LRMDA: variants seen among roughly 807,000 people sequenced by gnomAD.
LRMDA encodes leucine-rich melanocyte differentiation-associated protein.
A neutral mutation model predicts 29.8 loss-of-function variants in LRMDA; 18 were observed. The observed-to-expected ratio is 0.60, with a 90% CI of 0.42 to 0.90. LRMDA has a LOEUF of 0.90. LRMDA is among the 40% of genes least tolerant of loss of function. The probability of loss-of-function intolerance (pLI) is 0.00; values close to 1 mark genes in which losing one functional copy is unlikely to be tolerated. For synonymous variants in LRMDA, 125 were observed against 109.4 expected (o/e 1.14, Z -0.89); for missense variants, 273 against 273.9 (o/e 1.00, Z 0.02).
intron 5 of LRMDA, among the ~76,000 whole-genome samples, chr10:76,201,216 C>T (rs1431262202): frequency 6.6e-6 from 1 of 151,988 alleles, no homozygotes; most frequent in African/African-American, 2.4e-5. Context: ...CCTGCCTCAG[C>T]CTCCCAAGTA....
At chr10:76,331,464 C>T (rs951995534) in intron 6 of LRMDA, among the ~76,000 whole-genome samples, 3 of 152,196 alleles carry the variant, frequency 2.0e-5, no homozygotes, top group Admixed American at 2.0e-4. Flanking sequence ...AAAAAATTGT[C>T]AATGACTCAT....
At chr10:75,985,061 G>A (rs1312646789) in intron 2 of LRMDA, among the ~76,000 whole-genome samples, 2 of 152,116 alleles carry the variant, frequency 1.3e-5, no homozygotes, top group East Asian at 3.9e-4. Flanking sequence ...CCTAGATAGT[G>A]GTCTTTTGTG....
intron 2 of LRMDA, among the ~76,000 whole-genome samples, chr10:75,743,265 C>G (rs765263269): frequency 6.6e-6 from 1 of 152,042 alleles, no homozygotes; most frequent in Non-Finnish European, 1.5e-5. Context: ...TCAGTTAATC[C>G]GAATTACTGA....
At chr10:75,758,475 G>A (rs1843058519) in intron 2 of LRMDA, among the ~76,000 whole-genome samples, 1 of 152,190 alleles carries the variant, frequency 6.6e-6, no homozygotes, top group African/African-American at 2.4e-5. Context: ...GCGTTGCTCA[G>A]TCCCCTCACT....
chr10:76,304,180 G>T (rs1840520009), intron 5 of LRMDA, among the ~76,000 whole-genome samples: 1 of 152,116 alleles, frequency 6.6e-6, no homozygotes, highest in African/African-American at 2.4e-5. Context: ...ACAGAAAGAT[G>T]GGTATAACAA....
At chr10:75,838,778 G>C (rs941042267) in intron 2 of LRMDA, among the ~76,000 whole-genome samples, 12 of 152,152 alleles carry the variant, frequency 7.9e-5, no homozygotes, top group African/African-American at 2.7e-4. Context: ...AGTATTTCCT[G>C]GTTTCTTGCC....
intron 6 of LRMDA, among the ~76,000 whole-genome samples, chr10:76,392,618 A>G (rs1460810979): frequency 6.6e-6 from 1 of 152,034 alleles, no homozygotes; most frequent in Non-Finnish European, 1.5e-5. Context: ...AGTATTTAGG[A>G]TATCAGATTC....
chr10:75,465,897 T>C (rs1054315323), intron 2 of LRMDA, among the ~76,000 whole-genome samples: 2 of 152,242 alleles, frequency 1.3e-5, no homozygotes, highest in African/African-American at 2.4e-5. Flanking sequence ...GAGTTCATAA[T>C]TCATCATTTC....
chr10:75,782,709 C>T (rs1278953082), intron 2 of LRMDA: 24 of 1,273,162 alleles, frequency 1.9e-5, no homozygotes, highest in Middle Eastern at 3.1e-4. Context: ...AAGCCAGGCA[C>T]TTGTGAGATG....
intron 2 of LRMDA, among the ~76,000 whole-genome samples, chr10:75,493,682 G>A (rs927511285): frequency 1.3e-5 from 2 of 152,094 alleles, no homozygotes; most frequent in African/African-American, 4.8e-5. Flanking sequence ...TGCTGACTGT[G>A]GCCTTGGAAT....
intron 5 of LRMDA, among the ~76,000 whole-genome samples, chr10:76,279,038 G>T (rs1840170232): frequency 6.6e-6 from 1 of 152,154 alleles, no homozygotes; most frequent in Non-Finnish European, 1.5e-5. Context: ...GGTCCTTGGG[G>T]ATAGGAATAA....
intron 2 of LRMDA, among the ~76,000 whole-genome samples, chr10:75,942,336 A>G (rs1846406314): frequency 6.6e-6 from 1 of 152,180 alleles, no homozygotes; most frequent in South Asian, 2.1e-4. Flanking sequence ...AGCCTGAACA[A>G]GGAGCTTGGG....
intron 2 of LRMDA, among the ~76,000 whole-genome samples, chr10:75,739,844 A>G (rs1364007204): frequency 6.6e-6 from 1 of 152,240 alleles, no homozygotes; most frequent in Non-Finnish European, 1.5e-5. Context: ...TTTGATACAT[A>G]AAGATTTACC....
chr10:75,978,760 A>C (rs894708013), intron 2 of LRMDA, among the ~76,000 whole-genome samples: 1 of 152,192 alleles, frequency 6.6e-6, no homozygotes, highest in African/African-American at 2.4e-5. Flanking sequence ...TAATCTTATA[A>C]TTTTTTGTAT....
intron 5 of LRMDA, among the ~76,000 whole-genome samples, chr10:76,146,383 G>A (rs1255235433): frequency 1.3e-5 from 2 of 151,574 alleles, no homozygotes; most frequent in African/African-American, 4.9e-5. Flanking sequence ...TCCTGTATTG[G>A]GTGCATATAT....
At chr10:76,060,594 C>G (rs1281216988) in intron 5 of LRMDA, among the ~76,000 whole-genome samples, 2 of 152,170 alleles carry the variant, frequency 1.3e-5, no homozygotes, top group Admixed American at 1.3e-4. Flanking sequence ...TCTCTGCTTT[C>G]TCACCCCTGG....
chr10:75,927,970 A>G (rs1336729376), intron 2 of LRMDA, among the ~76,000 whole-genome samples: 1 of 152,226 alleles, frequency 6.6e-6, no homozygotes, highest in Non-Finnish European at 1.5e-5. Context: ...TGTGAAAATT[A>G]AATGAGAAAA....
intron 2 of LRMDA, among the ~76,000 whole-genome samples, chr10:75,971,664 A>C (rs1846973503): frequency 6.6e-6 from 1 of 152,154 alleles, no homozygotes; most frequent in South Asian, 2.1e-4. Context: ...CTCCAACTGC[A>C]ATTTCCTTCC....
chr10:76,088,113 C>G (rs1234478433), intron 5 of LRMDA, among the ~76,000 whole-genome samples: 2 of 152,174 alleles, frequency 1.3e-5, no homozygotes, highest in African/African-American at 2.4e-5. Flanking sequence ...GCAAGACACA[C>G]AAAGTCTCAC....
Sources: allele counts gnomAD v4.1 joint callset (sites outside exome capture counted in the v4.1 genomes callset), GRCh38; gene constraint gnomAD v4.1.1; transcripts MANE v1.5; gene names NCBI Gene and HGNC (gene_info 2026-07-23, HGNC 2026-07-21).